VPS8: variants seen among roughly 807,000 people sequenced by gnomAD.
VPS8 encodes vacuolar protein sorting-associated protein 8 homolog.
Under a neutral mutation model 216.4 loss-of-function variants are expected in VPS8, and 129 were observed. That is an observed-to-expected ratio of 0.60 (90% CI 0.52 to 0.69). The LOEUF (loss-of-function observed/expected upper bound fraction) is 0.69, where lower values mean the gene tolerates loss of function less well. Ranked by LOEUF, VPS8 falls within the 30% of genes least tolerant of loss-of-function variation. The pLI is 0.00. For missense variants in VPS8, 1,531 were observed against 1,683.5 expected (o/e 0.91, Z 1.59); for synonymous variants, 571 against 565.4 (o/e 1.01, Z -0.14).
intron 29 of VPS8, among the ~76,000 whole-genome samples, chr3:184,921,915 A>C (rs1241691146): frequency 6.6e-6 from 1 of 152,102 alleles, no homozygotes; most frequent in African/African-American, 2.4e-5. Context: ...GTTGGAGCAT[A>C]AGTAATAGTT....
intron 1 of VPS8, among the ~76,000 whole-genome samples, chr3:184,819,223 A>G (rs1362169453): frequency 6.6e-6 from 1 of 151,960 alleles, no homozygotes; most frequent in Non-Finnish European, 1.5e-5. Context: ...CTATTAAAAT[A>G]CTCATTTATC....
intron 21 of VPS8, among the ~76,000 whole-genome samples, chr3:184,877,709 C>T (rs1004995712): frequency 2.6e-5 from 4 of 152,132 alleles, no homozygotes; most frequent in African/African-American, 9.7e-5. Context: ...GAGCCTCGAC[C>T]CTGTACTGTA....
intron 40 of VPS8, among the ~76,000 whole-genome samples, chr3:184,976,929 C>T (rs971204997): frequency 2.0e-5 from 3 of 152,088 alleles, no homozygotes; most frequent in African/African-American, 7.2e-5. Context: ...ACATATGGTA[C>T]ATGTATCTTT....
intron 45 of VPS8, among the ~76,000 whole-genome samples, chr3:185,008,033 A>G (rs1391709248): frequency 6.6e-6 from 1 of 151,990 alleles, no homozygotes; most frequent in African/African-American, 2.4e-5. Flanking sequence ...TATCAATACT[A>G]TATTACTATA....
intron 4 of VPS8, 110 bp downstream of exon 4, chr3:184,832,929 G>A: frequency 2.3e-6 from 3 of 1,306,248 alleles, no homozygotes; most frequent in Non-Finnish European, 3.1e-6. Context: ...CCTTGCATGG[G>A]AAGTAGAAGG....
At chr3:185,021,338 G>A (rs4605520) in intron 45 of VPS8, among the ~76,000 whole-genome samples, 135,193 of 152,106 alleles carry the variant, frequency 0.89, 61,469 homozygotes, top group Non-Finnish European at 0.98. Flanking sequence ...CTTTCATGAG[G>A]GATGCTGGAC....
intron 25 of VPS8, among the ~76,000 whole-genome samples, chr3:184,906,417 G>A (rs945148089): frequency 6.6e-6 from 1 of 152,188 alleles, no homozygotes; most frequent in African/African-American, 2.4e-5. Context: ...GTTGGATAGA[G>A]TGTTACATAG....
chr3:185,015,855 A>G (rs904331520), intron 45 of VPS8, among the ~76,000 whole-genome samples: 9 of 152,234 alleles, frequency 5.9e-5, no homozygotes, highest in Non-Finnish European at 1.2e-4. Context: ...GATCCAAATA[A>G]GGAGTTAGTC....
intron 19 of VPS8, 84 bp from the exon 20 acceptor site, chr3:184,869,398 T>A: frequency 7.1e-7 from 1 of 1,403,214 alleles, no homozygotes; most frequent in Non-Finnish European, 9.9e-7. Flanking sequence ...GTTTCACATC[T>A]TATAAATATG....
At chr3:184,928,066 A>G (rs1194850456) in intron 31 of VPS8, among the ~76,000 whole-genome samples, 1 of 152,242 alleles carries the variant, frequency 6.6e-6, no homozygotes, top group Non-Finnish European at 1.5e-5. Context: ...ACATGTAAAC[A>G]TGGATACCAG....
chr3:184,951,830 C>T (rs894788392), intron 36 of VPS8, among the ~76,000 whole-genome samples: 3 of 152,182 alleles, frequency 2.0e-5, no homozygotes, highest in Non-Finnish European at 4.4e-5. Flanking sequence ...CATTAATGCT[C>T]CAGCTAATTT....
At position 184,940,198 on chromosome 3, in the gene VPS8, A is replaced by G; in HGVS notation, c.2990A>G (p.Asn997Ser). 1 of 1,495,986 alleles carries G rather than the reference A, an allele frequency of 6.7e-7. No individual in the cohort carries two copies. The highest frequency in any genetic ancestry group is 1.4e-5 in the African/African-American group (1 of 71,948). The allele number at this position is 1,495,986 out of a possible 1,614,324, so 92.7% of individuals were successfully genotyped here. ...HIETVIKKLQ[N>S]QVLLFKFLRS... Reference sequence around the variant, plus strand: ...AATTTTTATTGTTTTTCTGTTCAGAACCAGGTTTTGCTTTTCAAATTTTTG... The same window carrying G: ...AATTTTTATTGTTTTTCTGTTCAGAGCCAGGTTTTGCTTTTCAAATTTTTG... Residue 997 changes from asparagine (N) to serine (S), a missense_variant and splice_region_variant, in exon 36 of 48, where the codon AAC (asparagine) becomes AGC (serine). Asn to Ser is a conservative substitution (Grantham distance 46). Around this residue, in one of 3 missense-constraint regions of VPS8, gnomAD observed 1,318 missense variants for 1,468.4 expected, o/e 0.90. Transcript: ENST00000625842.
At chr3:184,865,892 G>A (rs989450488) in intron 16 of VPS8, among the ~76,000 whole-genome samples, 23 of 152,116 alleles carry the variant, frequency 1.5e-4, no homozygotes, top group African/African-American at 5.1e-4. Context: ...GGAGGTGGAG[G>A]CAGGAGAATC....
chr3:184,975,533 C>A (rs1173781823), intron 40 of VPS8, among the ~76,000 whole-genome samples: 1 of 151,812 alleles, frequency 6.6e-6, no homozygotes, highest in Non-Finnish European at 1.5e-5. Context: ...AATTTGGATG[C>A]CTTTTATTTC....
rs1252428753 is a variant in VPS8, at chr3:184,850,070, G to C, written c.753+48G>C. On this transcript the variant is annotated intron_variant, in intron 10 of 47. Transcript: ENST00000625842. ...CTAATAATTTTTTTATTATGCCTTT[G>C]TGTTTATTTTAAAGTAAATTTCTCT... 2.7e-6 allele frequency: 4 copies of C among 1,491,592 alleles called. No individual in the cohort carries two copies. The South Asian group carries it at 4.9e-5, about 18-fold the overall frequency. 92.4% of individuals were successfully genotyped at this position (1,491,592 alleles called of 1,614,324 possible). A position where few individuals can be genotyped will look rare whatever the true frequency, so the allele number is the denominator to read the frequency against.
chr3:184,823,505 G>T (rs928555486), intron 1 of VPS8, among the ~76,000 whole-genome samples: 2 of 152,214 alleles, frequency 1.3e-5, no homozygotes, highest in African/African-American at 4.8e-5. Flanking sequence ...GCTAAAGGCA[G>T]TATGTAGTTT....
chr3:184,812,563 G>T (rs888712972), intron 1 of VPS8: 2 of 152,268 alleles, frequency 1.3e-5, no homozygotes, highest in African/African-American at 4.8e-5. Flanking sequence ...AGGGGCTGAG[G>T]TATCACTAAA....
At chr3:185,003,784 G>C (rs1753792865) in intron 45 of VPS8, among the ~76,000 whole-genome samples, 1 of 149,940 alleles carries the variant, frequency 6.7e-6, no homozygotes, top group Admixed American at 6.6e-5. Context: ...CAGGCGGAGG[G>C]GCTCCTCACT....
rs144020178 is a variant in VPS8, at chr3:184,975,909, C to T, written c.3420+4157C>T. ...TAGGATAAGTCACACTTAATCATGG[C>T]GTATTACAGTCAACCCTTGAACAAC... On this transcript the variant is annotated intron_variant, in intron 40 of 47. Coordinates refer to ENST00000625842, the MANE Select transcript of VPS8 (RefSeq NM_001009921.3). 3.2e-3 allele frequency among the ~76,000 whole-genome samples: 487 copies of T among 152,162 alleles called. 1 individual carries two copies. Among genetic ancestry groups the T allele is most frequent in the African/African-American group, 0.011 (471 of 41,560 alleles).
Sources: gnomAD v4.1 joint callset for allele counts (sites outside exome capture counted in the v4.1 genomes callset) on GRCh38, gnomAD v4.1.1 for gene constraint, gnomAD v4.1.1 regional missense constraint, MANE v1.5 for transcripts, NCBI Gene and HGNC (gene_info 2026-07-23, HGNC 2026-07-21) for gene names.